Variants in NLGN4X observed in about 807,000 individuals in gnomAD.
The protein encoded by NLGN4X is neuroligin-4, X-linked.
In NLGN4X, 3 loss-of-function variants were observed where a neutral mutation model predicts 40.3. The observed-to-expected ratio is 0.07, with a 90% CI of 0.03 to 0.19. NLGN4X has a LOEUF of 0.19. Ranked by LOEUF, NLGN4X falls within the 10% of genes least tolerant of loss-of-function variation. The probability of loss-of-function intolerance (pLI) is 1.00; values close to 1 mark genes in which losing one functional copy is unlikely to be tolerated. For missense variants in NLGN4X, 382 were observed against 708.3 expected (o/e 0.54, Z 5.23); for synonymous variants, 270 against 306.8 (o/e 0.88, Z 1.25).
intron 3 of NLGN4X, among the ~76,000 whole-genome samples, chrX:5,969,039 C>T (rs1601969086): frequency 8.9e-6 from 1 of 111,738 alleles, no homozygotes; most frequent in East Asian, 2.8e-4. Flanking sequence ...GGATTAAAGA[C>T]TTAAATGTTA....
chrX:6,067,156 T>C (rs1352548286), intron 2 of NLGN4X, among the ~76,000 whole-genome samples: 5 of 108,300 alleles, frequency 4.6e-5, no homozygotes, highest in Admixed American at 1.0e-4. Flanking sequence ...TGCAAATGCA[T>C]ACAATTTAAA....
chrX:6,020,767 T>C (rs999747593), intron 3 of NLGN4X, among the ~76,000 whole-genome samples: 1 of 110,354 alleles, frequency 9.1e-6, no homozygotes, highest in Non-Finnish European at 1.9e-5. Context: ...AAGCACAAAA[T>C]AAAAAAAATT....
chrX:5,943,155 T>A (rs1250994537), intron 3 of NLGN4X, among the ~76,000 whole-genome samples: 2 of 111,021 alleles, frequency 1.8e-5, no homozygotes, highest in East Asian at 5.7e-4. Context: ...ATTCAGTGCA[T>A]TAGAAGCTGC....
chrX:5,993,891 T>C (rs936756420), intron 3 of NLGN4X, among the ~76,000 whole-genome samples: 42 of 111,790 alleles, frequency 3.8e-4, no homozygotes, highest in African/African-American at 1.4e-3. Flanking sequence ...TCAAATGAAC[T>C]GCAGTGGGTG....
intron 1 of NLGN4X, among the ~76,000 whole-genome samples, chrX:6,199,407 G>A (rs1923400068): frequency 9.0e-6 from 1 of 111,460 alleles, no homozygotes; most frequent in Admixed American, 9.6e-5. Context: ...AATTTTAGAA[G>A]AATAAGTTTA....
intron 4 of NLGN4X, among the ~76,000 whole-genome samples, chrX:5,907,620 C>T (rs1259808147): frequency 4.5e-5 from 5 of 111,398 alleles, no homozygotes; most frequent in African/African-American, 1.6e-4. Context: ...TTTCCTCTTT[C>T]TCCACTTTGC....
rs997918184 is a variant in NLGN4X at position 5,940,878 on chromosome X, A to G, written c.626-31639T>C. The stretch of plus-strand genomic sequence containing the variant: ...ACGCCAGAAATCTCAGCACTTTGGG[A>G]GGCTGAAGCAGAAGAATCACTTGAG... On this transcript the variant is annotated intron_variant, in intron 3 of 5. Transcript: ENST00000381095. Among the ~76,000 whole-genome samples, 3 of 111,017 alleles carry G rather than the reference A, an allele frequency of 2.7e-5. No homozygotes were observed. The Admixed American group carries it at 2.9e-4, about 11-fold the overall frequency.
chrX:6,021,077 C>CTCTCTCTCTCTCTCTCT lies in NLGN4X; in HGVS notation c.625+8202_625+8203insAGAGAGAGAGAGAGAGA, dbSNP rs1569190248. Among the ~76,000 whole-genome samples the CTCTCTCTCTCTCTCTCT allele has an allele frequency of 6.3e-4, 14 of 22,172 alleles. 1 individual carries two copies. Among genetic ancestry groups the CTCTCTCTCTCTCTCTCT allele is most frequent in the African/African-American group, 2.9e-3 (14 of 4,902 alleles). The allele number at this position is 22,172 out of a possible 115,157, so 19.3% of individuals were successfully genotyped here. A position where few individuals can be genotyped will look rare whatever the true frequency, so the allele number is the denominator to read the frequency against. ...CCCTCCCTCCCTCCCTCCCTCCCTC[C>CTCTCTCTCTCTCTCTCT]CTCTCTCTCTCTCTCCCCCTCTCCC... On this transcript the variant is annotated intron_variant, in intron 3 of 5. Coordinates refer to ENST00000381095, the MANE Select transcript of NLGN4X (RefSeq NM_181332.3).
intron 3 of NLGN4X, among the ~76,000 whole-genome samples, chrX:6,001,537 G>A (rs774706302): frequency 8.9e-6 from 1 of 112,277 alleles, no homozygotes; most frequent in Admixed American, 9.4e-5. Flanking sequence ...AGAATGAAGT[G>A]TGCTCATGAA....
intron 2 of NLGN4X, among the ~76,000 whole-genome samples, chrX:6,099,058 T>C (rs1238805871): frequency 1.8e-5 from 2 of 112,179 alleles, no homozygotes; most frequent in East Asian, 5.6e-4. Flanking sequence ...CATGACAACC[T>C]ACACTGTCCT....
At position 5,903,304 on chromosome X, in the gene NLGN4X, G is replaced by A. The variant is rs1178528542; in HGVS notation, c.1374C>T (p.Asp458=). Residue 458 remains aspartate (D), a synonymous_variant, in exon 5 of 6, where the codon GAC becomes GAT. Transcript: ENST00000381095. ...TGGGGGAGCCGTACTGCGCGTGCAG[G>A]TCGGCGGTGGCCACGGCGGGGGCCA... The part of the protein sequence containing the change: ...QWVAPAVATA[D]LHAQYGSPTY... 3 of 1,209,907 alleles carry A rather than the reference G, an allele frequency of 2.5e-6. No individual in the cohort carries two copies. Among genetic ancestry groups the A allele is most frequent in the Admixed American group, 4.4e-5 (2 of 45,874 alleles).
intron 2 of NLGN4X, among the ~76,000 whole-genome samples, chrX:6,045,491 G>A (rs751531230): frequency 2.7e-5 from 3 of 111,677 alleles, no homozygotes; most frequent in East Asian, 5.6e-4. Context: ...ACTATGCAGT[G>A]ACCTAATAAG....
rs1029995253 is a variant in NLGN4X, at chrX:5,994,640, C to T, written c.625+34640G>A. On this transcript the variant is annotated intron_variant, in intron 3 of 5. Coordinates refer to ENST00000381095, the MANE Select transcript of NLGN4X (RefSeq NM_181332.3). ...TTCATTTCTTCTCTGAGATTCTTAGCAGAACCACAAGGACCATAACGATAT... is the reference window on the plus strand; with the variant it reads ...TTCATTTCTTCTCTGAGATTCTTAGTAGAACCACAAGGACCATAACGATAT... Among the ~76,000 whole-genome samples the T allele has an allele frequency of 5.3e-4, 59 of 111,853 alleles. 2 individuals carry two copies. The highest frequency in any genetic ancestry group is 1.7e-4 in the Non-Finnish European group (9 of 53,200).
chrX:6,032,855 AAAAG>A (rs2036907309), intron 2 of NLGN4X: 4 of 439,442 alleles, frequency 9.1e-6, no homozygotes, highest in African/African-American at 2.5e-5. Flanking sequence ...GAAAAAGAAA[AAAAG>A]AAAAGAATGT....
At chrX:5,978,266 CTCTTTTTTTCTTTCTTTCTTTCTTTCTT>C (rs1256656318) in intron 3 of NLGN4X, among the ~76,000 whole-genome samples, 1,236 of 104,006 alleles carry the variant, frequency 0.012, 34 homozygotes, top group African/African-American at 0.043. Flanking sequence ...AGACAGGCGT[CTCTTTTTTTCTTTCTTTCTTTCTTTCTT>C]TCTTTCTTTC....
At chrX:6,201,591 G>C (rs764563175) in intron 1 of NLGN4X, among the ~76,000 whole-genome samples, 19 of 111,905 alleles carry the variant, frequency 1.7e-4, no homozygotes, top group African/African-American at 5.5e-4. Context: ...ACCAAGGAAA[G>C]TACAGATGTA....
chrX:6,182,431 A>G (rs1921554267), intron 1 of NLGN4X, among the ~76,000 whole-genome samples: 1 of 111,556 alleles, frequency 9.0e-6, no homozygotes, highest in Non-Finnish European at 1.9e-5. Context: ...AAAGGTATCA[A>G]GAGGGAGAAA....
At chrX:6,103,257 G>A (rs779798589) in intron 2 of NLGN4X, among the ~76,000 whole-genome samples, 27 of 111,708 alleles carry the variant, frequency 2.4e-4, no homozygotes, top group African/African-American at 7.8e-4. Flanking sequence ...TCATGTGATC[G>A]CCCACTCTCC....
At chrX:6,152,121 G>T (rs928862177) in intron 1 of NLGN4X, among the ~76,000 whole-genome samples, 1 of 110,612 alleles carries the variant, frequency 9.0e-6, no homozygotes, top group Non-Finnish European at 1.9e-5. Flanking sequence ...CGGCTAATTC[G>T]TTGGATTTTT....
Sources: gnomAD v4.1 joint callset for allele counts (sites outside exome capture counted in the v4.1 genomes callset) on GRCh38, gnomAD v4.1.1 for gene constraint, MANE v1.5 for transcripts, NCBI Gene and HGNC (gene_info 2026-07-23, HGNC 2026-07-21) for gene names.